The following TRDN variants were observed in gnomAD, a reference collection of about 807,000 sequenced individuals.
The protein encoded by TRDN is triadin in skeletal muscle.
TRDN carries 161 observed loss-of-function variants against 149.7 expected under a neutral mutation model. The ratio of observed to expected loss-of-function variants is 1.08; its 90% CI spans 0.95 to 1.23. The LOEUF (loss-of-function observed/expected upper bound fraction) is 1.23, where lower values mean the gene tolerates loss of function less well. Among genes scored for constraint, TRDN ranks in the 50% most tolerant of loss-of-function variants. TRDN has a pLI of 0.00. For synonymous variants in TRDN, 294 were observed against 250.5 expected, an observed-to-expected ratio of 1.17 and a Z score of -1.64; for missense variants, 896 against 823.5, an observed-to-expected ratio of 1.09 and a Z score of -1.08.
At position 123,331,888 on chromosome 6, in the gene TRDN, T is replaced by A. The variant is rs1443718622; in HGVS notation, c.1462A>T (p.Lys488Ter). 2 of 1,545,416 alleles carry A rather than the reference T, an allele frequency of 1.3e-6. No individual in the cohort carries two copies. The highest frequency in any genetic ancestry group is 2.4e-5 in the South Asian group (2 of 81,796). ...CATTGTATAATATTACCTTTTTCCT[T>A]TAGGGAAGCTGGAACTTTCTCTTCT... Reference protein sequence around the residue: ...GKEEKVPASLKEKEPETKKDE... With the variant: ...GKEEKVPASL Residue 488 changes from lysine (K) to a stop codon, truncating the protein, a stop_gained, in exon 23 of 41, where the codon AAG becomes TAG. Coordinates refer to ENST00000334268, the MANE Select transcript of TRDN (RefSeq NM_006073.4). LOFTEE classifies it high-confidence loss of function.
intron 7 of TRDN, chr6:123,509,707 T>G (rs538946732): frequency 1.1e-4 from 17 of 152,250 alleles, no homozygotes; most frequent in African/African-American, 4.1e-4. Context: ...AGATTCTTGA[T>G]CCACAGAAAC....
intron 10 of TRDN, among the ~76,000 whole-genome samples, chr6:123,455,740 AG>A (rs1359326958): frequency 6.6e-6 from 1 of 152,184 alleles, no homozygotes; most frequent in Non-Finnish European, 1.5e-5. Context: ...TTTTATTGTA[AG>A]CTTTCCTAAA....
At chr6:123,506,691 G>T (rs1467058869) in intron 7 of TRDN, among the ~76,000 whole-genome samples, 2 of 151,934 alleles carry the variant, frequency 1.3e-5, no homozygotes, top group African/African-American at 4.8e-5. Context: ...GTTTCACCAT[G>T]TTGGCCAGGC....
At position 123,516,190 on chromosome 6, in the gene TRDN, T is replaced by C; in HGVS notation, c.501A>G (p.Lys167=). Residue 167 remains lysine (K), a synonymous_variant, in exon 6 of 41, where the codon AAA becomes AAG. Coordinates refer to ENST00000334268, the MANE Select transcript of TRDN (RefSeq NM_006073.4). ...CTCTTACTTTTTCTTTTCCTTTTTC[T>C]TTTTCTTTGTGTGTAACTGAAAAGA... ...KIQTKVTHKE[K]EKGKEKVREK... 1 of 1,488,748 alleles carries C rather than the reference T, an allele frequency of 6.7e-7. No individual in the cohort carries two copies. Among genetic ancestry groups the C allele is most frequent in the Non-Finnish European group, 9.0e-7 (1 of 1,107,238 alleles). 92.2% of individuals were successfully genotyped at this position (1,488,748 alleles called of 1,614,324 possible).
At chr6:123,270,168 A>C (rs1777159133) in intron 30 of TRDN, among the ~76,000 whole-genome samples, 1 of 152,030 alleles carries the variant, frequency 6.6e-6, no homozygotes, top group Non-Finnish European at 1.5e-5. Flanking sequence ...TGAGATACTC[A>C]GGTGGCCATA....
intron 38 of TRDN, among the ~76,000 whole-genome samples, chr6:123,233,208 A>T (rs1469360629): frequency 2.0e-5 from 3 of 152,070 alleles, no homozygotes; most frequent in Non-Finnish European, 4.4e-5. Context: ...AAATCTTAAA[A>T]ACCCACGGTA....
chr6:123,517,888 T>G (rs890622237), intron 5 of TRDN, among the ~76,000 whole-genome samples: 9 of 152,198 alleles, frequency 5.9e-5, no homozygotes, highest in African/African-American at 2.2e-4. Context: ...AATATTGATA[T>G]TGTTAATATC....
intron 38 of TRDN, among the ~76,000 whole-genome samples, chr6:123,233,302 T>C (rs1775676426): frequency 6.6e-6 from 1 of 152,082 alleles, no homozygotes; most frequent in Non-Finnish European, 1.5e-5. Flanking sequence ...TTTAAAGTAA[T>C]AACGAGTTTT....
chr6:123,616,787 C>T (rs1213621646), intron 1 of TRDN, among the ~76,000 whole-genome samples: 1 of 152,134 alleles, frequency 6.6e-6, no homozygotes, highest in East Asian at 1.9e-4. Context: ...TTTATTTTTA[C>T]AACAAATTCA....
intron 21 of TRDN, among the ~76,000 whole-genome samples, chr6:123,338,151 A>G (rs1388497597): frequency 6.6e-6 from 1 of 152,194 alleles, no homozygotes. Context: ...TCTCAAGCAC[A>G]TAAGTACTGG....
chr6:123,328,079 T>C (rs577535183), intron 23 of TRDN, among the ~76,000 whole-genome samples: 12 of 152,320 alleles, frequency 7.9e-5, no homozygotes, highest in South Asian at 6.2e-4. Flanking sequence ...ATTTTCTCCA[T>C]ACTGTTATAA....
chr6:123,311,294 T>C (rs1386390872), intron 24 of TRDN, among the ~76,000 whole-genome samples: 2 of 151,870 alleles, frequency 1.3e-5, no homozygotes, highest in African/African-American at 2.4e-5. Flanking sequence ...GAGAATAGCA[T>C]GGGGGAAATC....
At chr6:123,293,346 C>G (rs1778078879) in intron 24 of TRDN, among the ~76,000 whole-genome samples, 1 of 152,114 alleles carries the variant, frequency 6.6e-6, no homozygotes, top group Middle Eastern at 3.2e-3. Flanking sequence ...ATCTATATCT[C>G]CAGTGCACAA....
chr6:123,255,119 G>C lies in TRDN; in HGVS notation c.1913C>G (p.Thr638Arg), dbSNP rs1168548735. 1 of 1,326,862 alleles carries C rather than the reference G, an allele frequency of 7.5e-7. No individual in the cohort carries two copies. The highest frequency in any genetic ancestry group is 1.0e-6 in the Non-Finnish European group (1 of 977,710). The allele number at this position is 1,326,862 out of a possible 1,614,324, so 82.2% of individuals were successfully genotyped here. The change falls in exon 37 of 41, where the codon ACA becomes AGA. Residue 638 changes from threonine (T) to arginine (R), a missense_variant. Physicochemically the swap from Thr to Arg is moderately conservative, Grantham distance 71. Transcript: ENST00000334268. The part of the protein sequence containing the change: ...MKHLREEKVS[T>R]RKESLQLHNV... The stretch of plus-strand genomic sequence containing the variant: ...GTGTAATTGAAGACTTTCTTTTCTT[G>C]TTGAGACTGTTAATAAGGAAAATGT...
intron 30 of TRDN, among the ~76,000 whole-genome samples, 185 bp from the exon 31 acceptor site, chr6:123,270,051 T>C (rs1777154888): frequency 6.6e-6 from 1 of 152,034 alleles, no homozygotes; most frequent in Non-Finnish European, 1.5e-5. Flanking sequence ...TGCAAAAAAC[T>C]AGTAAGACAC....
chr6:123,312,003 G>A (rs1265165356), intron 24 of TRDN, among the ~76,000 whole-genome samples: 1 of 151,940 alleles, frequency 6.6e-6, no homozygotes, highest in African/African-American at 2.4e-5. Flanking sequence ...TAATGAAGAT[G>A]AGTACTTCTG....
chr6:123,366,217 A>C, intron 19 of TRDN, 35 bp from the exon 20 acceptor site: 1 of 1,586,378 alleles, frequency 6.3e-7, no homozygotes, highest in Non-Finnish European at 8.6e-7. Context: ...TGAGAAGTGG[A>C]TATTAGTGAT....
intron 5 of TRDN, among the ~76,000 whole-genome samples, chr6:123,525,539 A>G (rs1467261328): frequency 6.6e-6 from 1 of 152,010 alleles, no homozygotes; most frequent in African/African-American, 2.4e-5. Flanking sequence ...GGATCTCAAA[A>G]AATGGGGAGA....
intron 1 of TRDN, among the ~76,000 whole-genome samples, chr6:123,585,304 T>G (rs998949043): frequency 2.6e-5 from 4 of 151,244 alleles, no homozygotes; most frequent in East Asian, 1.9e-4. Flanking sequence ...TTAAAAGGAG[T>G]GCTTAAAAGA....
Sources: allele counts gnomAD v4.1 joint callset (sites outside exome capture counted in the v4.1 genomes callset), GRCh38; gene constraint gnomAD v4.1.1; transcripts MANE v1.5; gene names NCBI Gene and HGNC (gene_info 2026-07-23, HGNC 2026-07-21).